The following DGKG variants were observed in gnomAD, a reference collection of about 807,000 sequenced individuals.
The protein encoded by DGKG is diacylglycerol kinase gamma.
Under a neutral mutation model 105.3 loss-of-function variants are expected in DGKG, and 78 were observed. The ratio of observed to expected loss-of-function variants is 0.74; its 90% CI spans 0.62 to 0.89. The LOEUF is 0.89. DGKG is among the 40% of genes least tolerant of loss of function. The pLI, the probability that DGKG is intolerant of heterozygous loss-of-function variation, is 0.00. For missense variants in DGKG, 958 were observed against 1,020.1 expected (o/e 0.94, Z 0.83); for synonymous variants, 346 against 367.1 (o/e 0.94, Z 0.66).
At chr3:186,292,743 G>A (rs182973492) in intron 5 of DGKG, among the ~76,000 whole-genome samples, 29 of 152,244 alleles carry the variant, frequency 1.9e-4, no homozygotes, top group Admixed American at 1.6e-3. Flanking sequence ...GGGAGGCAGA[G>A]GTTGCAGTGA....
intron 21 of DGKG, among the ~76,000 whole-genome samples, chr3:186,191,658 T>C (rs1271235004): frequency 6.6e-6 from 1 of 152,258 alleles, no homozygotes; most frequent in African/African-American, 2.4e-5. Context: ...GCTTTCTATG[T>C]TCTTTTTCAC....
intron 19 of DGKG, among the ~76,000 whole-genome samples, chr3:186,245,936 A>C (rs1411998947): frequency 3.9e-5 from 6 of 152,206 alleles, no homozygotes; most frequent in Non-Finnish European, 7.3e-5. Flanking sequence ...CAACAACAAA[A>C]AAAAACAGAT....
rs779487277 is a variant in DGKG, at chr3:186,317,886, G to A, written c.67+2507C>T. ...TGGCACATAGGAAGGCGTAGTGGAT[G>A]TGTTATCACCATCTCCAAATCAACA... is the stretch of plus-strand genomic sequence containing the variant. On this transcript the variant is annotated intron_variant, in intron 2 of 24. Coordinates refer to ENST00000265022, the MANE Select transcript of DGKG (RefSeq NM_001346.3). Among the ~76,000 whole-genome samples the A allele has an allele frequency of 3.3e-4, 50 of 152,298 alleles. No individual in the cohort carries two copies. The Middle Eastern group carries it at 0.01, about 31-fold the overall frequency.
chr3:186,161,359 A>G, intron 24 of DGKG: 1 of 1,360,654 alleles, frequency 7.3e-7, no homozygotes, highest in Non-Finnish European at 9.5e-7. Context: ...AACTCCTCGA[A>G]GTTGGTTCTA....
At chr3:186,205,594 C>T (rs1188710325) in intron 21 of DGKG, among the ~76,000 whole-genome samples, 3 of 152,084 alleles carry the variant, frequency 2.0e-5, no homozygotes, top group Non-Finnish European at 2.9e-5. Context: ...CCTATAATCC[C>T]AGCTACTCAG....
At chr3:186,320,795 A>C in intron 1 of DGKG, 88 bp from the exon 2 acceptor site, 1 of 235,476 alleles carries the variant, frequency 4.2e-6, no homozygotes, top group Non-Finnish European at 8.2e-6. Flanking sequence ...TACAGGGGAC[A>C]ATTGTTCAAT....
chr3:186,324,744 T>C (rs1398655289), intron 1 of DGKG, among the ~76,000 whole-genome samples: 1 of 152,260 alleles, frequency 6.6e-6, no homozygotes, highest in Non-Finnish European at 1.5e-5. Flanking sequence ...CTGGTGGGAA[T>C]GTAAATTAGT....
At chr3:186,333,004 C>G (rs1725671784) in intron 1 of DGKG, among the ~76,000 whole-genome samples, 1 of 152,142 alleles carries the variant, frequency 6.6e-6, no homozygotes, top group Admixed American at 6.5e-5. Flanking sequence ...TAAGAAGGGC[C>G]TCACCAGATG....
Position 186,186,816 on chromosome 3 carries a change from AT to A in DGKG, c.2095+1385del, listed in dbSNP as rs1717660736. Among the ~76,000 whole-genome samples the A allele has an allele frequency of 2.0e-5, 3 of 152,180 alleles. No homozygotes were observed. The South Asian group carries it at 6.2e-4, about 32-fold the overall frequency. ...GCTTTGATTGAATCTCTCCATTTGG[AT>A]CACTGGTGGAAAATGGCTACTTTTG... is the stretch of plus-strand genomic sequence containing the variant. On this transcript the variant is annotated intron_variant, in intron 22 of 24. Coordinates refer to ENST00000265022, the MANE Select transcript of DGKG (RefSeq NM_001346.3).
At chr3:186,158,419 T>G in intron 24 of DGKG, 1 of 982,822 alleles carries the variant, frequency 1.0e-6, no homozygotes, top group East Asian at 1.1e-4. Context: ...CATAAATCTC[T>G]TGTTGTTTAG....
intron 21 of DGKG, among the ~76,000 whole-genome samples, chr3:186,205,257 C>CAAA (rs71164580): frequency 5.5e-5 from 4 of 72,968 alleles, no homozygotes; most frequent in Admixed American, 1.6e-4. Flanking sequence ...AACTCCTTCT[C>CAAA]AAAAAAAAAA....
At chr3:186,319,668 G>A (rs1724989480) in intron 2 of DGKG, among the ~76,000 whole-genome samples, 1 of 152,148 alleles carries the variant, frequency 6.6e-6, no homozygotes, top group Non-Finnish European at 1.5e-5. Flanking sequence ...CAGTGGTCAG[G>A]TGGTGTCCTG....
intron 21 of DGKG, among the ~76,000 whole-genome samples, chr3:186,190,501 A>G (rs1476752081): frequency 1.3e-5 from 2 of 152,180 alleles, no homozygotes. Flanking sequence ...ATCCATTATC[A>G]TTATCCTTAT....
intron 20 of DGKG, 74 bp from the exon 21 acceptor site, chr3:186,211,959 G>T: frequency 8.1e-7 from 1 of 1,232,642 alleles, no homozygotes; most frequent in Non-Finnish European, 1.2e-6. Context: ...ATGTTCTTTG[G>T]ATTGGGAGGC....
chr3:186,157,062 C>A (rs1300904817), intron 24 of DGKG, among the ~76,000 whole-genome samples: 2 of 151,828 alleles, frequency 1.3e-5, no homozygotes, highest in Non-Finnish European at 2.9e-5. Context: ...GTTAAAAATA[C>A]ATGTCTTGTT....
intron 19 of DGKG, among the ~76,000 whole-genome samples, chr3:186,250,518 G>A (rs925553324): frequency 1.3e-4 from 18 of 141,814 alleles, no homozygotes; most frequent in Admixed American, 2.1e-4. Context: ...ATAAATATTT[G>A]TTGAAAAAAA....
intron 3 of DGKG, among the ~76,000 whole-genome samples, chr3:186,302,181 A>T (rs1723951278): frequency 6.6e-6 from 1 of 151,920 alleles, no homozygotes; most frequent in Non-Finnish European, 1.5e-5. Flanking sequence ...TTTGTGACAG[A>T]CCTTGGTTCC....
rs1410776643 is a variant in DGKG, at chr3:186,361,555, T to C, written c.-249+391A>G. Among the ~76,000 whole-genome samples, 1 of 152,164 alleles carries C rather than the reference T, an allele frequency of 6.6e-6. No homozygotes were observed. The highest frequency in any genetic ancestry group is 1.5e-5 in the Non-Finnish European group (1 of 68,028). On this transcript the variant is annotated intron_variant, in intron 1 of 24. Coordinates refer to ENST00000265022, the MANE Select transcript of DGKG (RefSeq NM_001346.3). The surrounding 1 kb of genome is among the most constrained non-coding windows in gnomAD (Gnocchi z 6.8). ...GCCAGACATTAGGAAAAGCATCTCC[T>C]GCTTCTCGGACTGCCTGGAGCGCGA...
At chr3:186,213,075 G>T (rs1255029672) in intron 20 of DGKG, among the ~76,000 whole-genome samples, 1 of 152,206 alleles carries the variant, frequency 6.6e-6, no homozygotes, top group African/African-American at 2.4e-5. Flanking sequence ...ATGAAACTGT[G>T]TTCTTCCATT....
Sources: allele counts gnomAD v4.1 joint callset (sites outside exome capture counted in the v4.1 genomes callset), GRCh38; gene constraint gnomAD v4.1.1; non-coding constraint Gnocchi (gnomAD v3.1); transcripts MANE v1.5; gene names NCBI Gene and HGNC (gene_info 2026-07-23, HGNC 2026-07-21).